The following TBCEL variants were observed in gnomAD, a reference collection of about 807,000 sequenced individuals.
TBCEL encodes tubulin-specific chaperone cofactor E-like protein.
Under a neutral mutation model 44.2 loss-of-function variants are expected in TBCEL, and 15 were observed. That is an observed-to-expected ratio of 0.34 (90% CI 0.23 to 0.52). TBCEL has a LOEUF of 0.52. Ranked by LOEUF, TBCEL falls within the 20% of genes least tolerant of loss-of-function variation. The pLI is 0.95. For synonymous variants in TBCEL, 171 were observed against 185.4 expected (o/e 0.92, Z 0.63); for missense variants, 319 against 506.3 (o/e 0.63, Z 3.55).
At chr11:121,052,540 T>A (rs954322824) in intron 4 of TBCEL, among the ~76,000 whole-genome samples, 1 of 151,908 alleles carries the variant, frequency 6.6e-6, no homozygotes, top group South Asian at 2.1e-4. Context: ...TTATAGCTTT[T>A]ACTTACCACA....
intron 8 of TBCEL, among the ~76,000 whole-genome samples, chr11:121,084,026 G>A (rs145985151): frequency 6.6e-6 from 1 of 152,372 alleles, no homozygotes; most frequent in East Asian, 1.9e-4. Flanking sequence ...AAGAGAGCAA[G>A]AGAGGGCTGA....
At chr11:121,080,709 C>T (rs1281462057) in intron 8 of TBCEL, among the ~76,000 whole-genome samples, 5 of 152,050 alleles carry the variant, frequency 3.3e-5, no homozygotes, top group African/African-American at 1.2e-4. Context: ...ATGGCAGGAA[C>T]CTGTAGTCTT....
Position 121,090,545 on chromosome 11 carries a change from A to C in TBCEL, c.*3449A>C, listed in dbSNP as rs1003274157. 6.6e-6 allele frequency: 1 copy of C among 151,874 alleles called. No individual in the cohort carries two copies. Among genetic ancestry groups the C allele is most frequent in the Non-Finnish European group, 1.5e-5 (1 of 67,988 alleles). The allele number at this position is 151,874 out of a possible 1,614,324, so 9.4% of individuals were successfully genotyped here. On this transcript the variant is annotated 3_prime_UTR_variant, in exon 9 of 9. Coordinates refer to ENST00000683345, the MANE Select transcript of TBCEL (RefSeq NM_001363644.2). The stretch of plus-strand genomic sequence containing the variant: ...CCAGATGTGTTGTGAACACTCTACT[A>C]TTTTTCATAGGTGCTTCCTTGAAAT...
rs2135031391 is a variant in TBCEL, at chr11:121,088,206, A to C, written c.*1110A>C. The C allele has an allele frequency of 6.6e-6, 1 of 152,334 alleles. No individual in the cohort carries two copies. The highest frequency in any genetic ancestry group is 2.1e-4 in the South Asian group (1 of 4,828). 9.4% of individuals were successfully genotyped at this position (152,334 alleles called of 1,614,324 possible). On this transcript the variant is annotated 3_prime_UTR_variant, in exon 9 of 9. Coordinates refer to ENST00000683345, the MANE Select transcript of TBCEL (RefSeq NM_001363644.2). Reference sequence around the variant, plus strand: ...ATTAAAAGTGGGAAACATTAATCAAAGGGAGATTTTATTCCCAGGTTTTCC... The same window carrying C: ...ATTAAAAGTGGGAAACATTAATCAACGGGAGATTTTATTCCCAGGTTTTCC...
In TBCEL at chr11:121,087,197, TTTTGTTCTGTTTAGG is replaced by T; in HGVS notation, c.*106_*120del. The stretch of plus-strand genomic sequence containing the variant: ...GGAGGGAGAGGTTGTTTTTGTTTTG[TTTTGTTCTGTTTAGG>T]TTTGGGAAGGATTTTGTATATTTTT... On this transcript the variant is annotated 3_prime_UTR_variant, in exon 9 of 9. Coordinates refer to ENST00000683345, the MANE Select transcript of TBCEL (RefSeq NM_001363644.2). The T allele has an allele frequency of 8.2e-7, 1 of 1,216,716 alleles. No individual in the cohort carries two copies. Among genetic ancestry groups the T allele is most frequent in the Non-Finnish European group, 1.1e-6 (1 of 886,494 alleles). The allele number at this position is 1,216,716 out of a possible 1,614,324, so 75.4% of individuals were successfully genotyped here.
chr11:121,039,785 A>C (rs1206844105), intron 2 of TBCEL, among the ~76,000 whole-genome samples: 1 of 152,220 alleles, frequency 6.6e-6, no homozygotes, highest in Non-Finnish European at 1.5e-5. Flanking sequence ...AAGGAACCTA[A>C]AGGTGAAATT....
chr11:121,070,597 G>A (rs565907132), intron 8 of TBCEL, among the ~76,000 whole-genome samples: 6 of 151,544 alleles, frequency 4.0e-5, no homozygotes, highest in Admixed American at 2.0e-4. Context: ...GCAAACTATC[G>A]CAAGGACAGA....
At chr11:121,040,179 C>G (rs1945306760) in intron 2 of TBCEL, among the ~76,000 whole-genome samples, 2 of 152,098 alleles carry the variant, frequency 1.3e-5, no homozygotes, top group Admixed American at 1.3e-4. Flanking sequence ...TTTTTAATCT[C>G]TACAGTCAGA....
At chr11:121,035,444 A>T (rs143995385) in intron 1 of TBCEL, 112 of 150,570 alleles carry the variant, frequency 7.4e-4, no homozygotes, top group African/African-American at 2.5e-3. Context: ...AGGAGGAGCT[A>T]GTGAAAAAAA....
chr11:121,036,664 C>T lies in TBCEL; in HGVS notation c.-18+52C>T, dbSNP rs571807322. On this transcript the variant is annotated intron_variant, in intron 2 of 8. Transcript: ENST00000683345. ...TCTTAATTTTTTTCCCCTCATATTT[C>T]TCATCAAAATTATGACATTCTGGGG... The T allele has an allele frequency of 2.0e-5, 3 of 152,190 alleles. No homozygotes were observed. The East Asian group carries it at 5.8e-4, about 29-fold the overall frequency. 9.4% of individuals were successfully genotyped at this position (152,190 alleles called of 1,614,324 possible). A position where few individuals can be genotyped will look rare whatever the true frequency, so the allele number is the denominator to read the frequency against.
chr11:121,039,936 C>T (rs1251274877), intron 2 of TBCEL, among the ~76,000 whole-genome samples: 1 of 152,168 alleles, frequency 6.6e-6, no homozygotes, highest in African/African-American at 2.4e-5. Context: ...CAAATGGGTC[C>T]TTGTCAAATA....
chr11:121,043,654 AGTT>A (rs1276373459), intron 2 of TBCEL, among the ~76,000 whole-genome samples: 21 of 152,056 alleles, frequency 1.4e-4, no homozygotes, highest in Admixed American at 1.4e-3. Flanking sequence ...AAATCTTGAC[AGTT>A]GCCTGGATTC....
chr11:121,037,082 T>C (rs534915695), intron 2 of TBCEL, among the ~76,000 whole-genome samples: 20 of 152,296 alleles, frequency 1.3e-4, no homozygotes, highest in African/African-American at 2.4e-4. Context: ...TCTGGCAGTG[T>C]TGGATTTTTA....
At chr11:121,042,032 G>C (rs1416094828) in intron 2 of TBCEL, among the ~76,000 whole-genome samples, 1 of 151,824 alleles carries the variant, frequency 6.6e-6, no homozygotes, top group Non-Finnish European at 1.5e-5. Flanking sequence ...ATTTTAACTT[G>C]AATACGTCTT....
chr11:121,083,004 A>G (rs1010868449), intron 8 of TBCEL, among the ~76,000 whole-genome samples: 3 of 152,126 alleles, frequency 2.0e-5, no homozygotes, highest in Non-Finnish European at 4.4e-5. Context: ...CACTCTATCT[A>G]CTAGATCTAC....
chr11:121,068,661 A>T (rs1423940858), intron 8 of TBCEL, among the ~76,000 whole-genome samples: 1 of 151,996 alleles, frequency 6.6e-6, no homozygotes, highest in Non-Finnish European at 1.5e-5. Context: ...AGGTGTGCAG[A>T]TCATCTGAGG....
chr11:121,083,401 C>T (rs1231437574), intron 8 of TBCEL, among the ~76,000 whole-genome samples: 2 of 152,114 alleles, frequency 1.3e-5, no homozygotes, highest in Non-Finnish European at 2.9e-5. Context: ...AGATAGTTTC[C>T]AGTGCCACTT....
intron 8 of TBCEL, among the ~76,000 whole-genome samples, chr11:121,079,241 C>A (rs893580130): frequency 6.6e-6 from 1 of 152,104 alleles, no homozygotes; most frequent in Non-Finnish European, 1.5e-5. Context: ...GGAGAATGAG[C>A]TCTGTGATGG....
At chr11:121,070,969 T>G (rs1945919622) in intron 8 of TBCEL, among the ~76,000 whole-genome samples, 1 of 152,202 alleles carries the variant, frequency 6.6e-6, no homozygotes, top group African/African-American at 2.4e-5. Flanking sequence ...AATTTCACTC[T>G]AGAATTTGAA....
Sources: gnomAD v4.1 joint callset for allele counts (sites outside exome capture counted in the v4.1 genomes callset) on GRCh38, gnomAD v4.1.1 for gene constraint, MANE v1.5 for transcripts, NCBI Gene and HGNC (gene_info 2026-07-23, HGNC 2026-07-21) for gene names.